ESRRG: variants seen among roughly 807,000 people sequenced by gnomAD.
The protein encoded by ESRRG is estrogen-related receptor gamma.
Under a neutral mutation model 44.0 loss-of-function variants are expected in ESRRG, and 13 were observed. The observed-to-expected ratio is 0.30, with a 90% confidence interval of 0.19 to 0.47. The LOEUF is 0.47. Among genes scored for constraint, ESRRG ranks in the 20% least tolerant of loss-of-function variants. ESRRG has a pLI of 1.00. For synonymous variants in ESRRG, 215 were observed against 214.6 expected (o/e 1.00, Z -0.02); for missense variants, 395 against 580.6 (o/e 0.68, Z 3.29).
At chr1:216,866,644 C>A (rs1248184359) in intron 2 of ESRRG, among the ~76,000 whole-genome samples, 1 of 151,746 alleles carries the variant, frequency 6.6e-6, no homozygotes, top group East Asian at 1.9e-4. Flanking sequence ...GGCCTCAGCT[C>A]ATTGCAGTCT....
intron 1 of ESRRG, among the ~76,000 whole-genome samples, chr1:217,129,038 A>C (rs901815034): frequency 1.3e-5 from 2 of 152,126 alleles, no homozygotes; most frequent in African/African-American, 4.8e-5. Flanking sequence ...CTATCAACAA[A>C]GTGTTAAAAA....
intron 2 of ESRRG, among the ~76,000 whole-genome samples, chr1:216,821,258 T>C (rs1394975026): frequency 2.0e-5 from 3 of 152,188 alleles, no homozygotes; most frequent in Non-Finnish European, 4.4e-5. Context: ...TTCCAGACCA[T>C]ACTTTCCCTG....
chr1:217,052,759 C>T (rs1201829208), intron 1 of ESRRG, among the ~76,000 whole-genome samples: 1 of 152,100 alleles, frequency 6.6e-6, no homozygotes, highest in African/African-American at 2.4e-5. Context: ...TGCAATCTGG[C>T]TAATGTTGAT....
chr1:216,916,619 C>T (rs533727891), intron 2 of ESRRG, among the ~76,000 whole-genome samples: 2 of 152,240 alleles, frequency 1.3e-5, no homozygotes, highest in African/African-American at 2.4e-5. Flanking sequence ...TGCTGTGTTC[C>T]TCTTTTCCTC....
intron 3 of ESRRG, among the ~76,000 whole-genome samples, chr1:216,606,312 C>T (rs1412144738): frequency 7.2e-5 from 11 of 152,102 alleles, no homozygotes. Context: ...TTTACAGATG[C>T]CCCAACTCAG....
chr1:216,905,163 A>G (rs1409872721), intron 2 of ESRRG, among the ~76,000 whole-genome samples: 1 of 152,062 alleles, frequency 6.6e-6, no homozygotes, highest in Non-Finnish European at 1.5e-5. Flanking sequence ...GTAAGCAGAT[A>G]CTCCGGCTGC....
intron 2 of ESRRG, among the ~76,000 whole-genome samples, chr1:216,939,359 A>AAAAAAAAAAAAAAAAAAAAAC (rs1560188817): frequency 6.7e-6 from 1 of 149,248 alleles, no homozygotes; most frequent in African/African-American, 2.5e-5. Flanking sequence ...AAAAAAAAAA[A>AAAAAAAAAAAAAAAAAAAAAC]AAAAAAAAAA....
chr1:216,599,298 A>G (rs78158570), intron 3 of ESRRG, among the ~76,000 whole-genome samples: 1,725 of 152,318 alleles, frequency 0.011, 28 homozygotes, highest in African/African-American at 0.035. Context: ...ATCAGAAAGT[A>G]TATGTCCTAA....
intron 2 of ESRRG, among the ~76,000 whole-genome samples, chr1:216,868,092 T>TTTTG: frequency 7.0e-6 from 1 of 142,980 alleles, no homozygotes; most frequent in African/African-American, 2.6e-5. Flanking sequence ...TTTTTTTTTT[T>TTTTG]TTTTTTTTTT....
chr1:217,083,063 T>C (rs185211127), intron 1 of ESRRG, among the ~76,000 whole-genome samples: 138 of 152,362 alleles, frequency 9.1e-4, no homozygotes, highest in Non-Finnish European at 1.6e-3. Context: ...CTTTGTATTA[T>C]GCTTATCACT....
chr1:216,618,087 G>T (rs1238221691), intron 3 of ESRRG, among the ~76,000 whole-genome samples: 1 of 152,128 alleles, frequency 6.6e-6, no homozygotes, highest in Admixed American at 6.5e-5. Flanking sequence ...AGTAATAATA[G>T]TCATTAAAAT....
intron 1 of ESRRG, among the ~76,000 whole-genome samples, chr1:217,134,028 T>C (rs2093012721): frequency 6.6e-6 from 1 of 152,074 alleles, no homozygotes; most frequent in Non-Finnish European, 1.5e-5. Context: ...AACTTTGCAG[T>C]TGAGTTTTGG....
At chr1:216,607,119 A>T (rs1017757170) in intron 3 of ESRRG, among the ~76,000 whole-genome samples, 1 of 152,256 alleles carries the variant, frequency 6.6e-6, no homozygotes, top group African/African-American at 2.4e-5. Flanking sequence ...TCATAAAATC[A>T]TGTTACCTAG....
At chr1:216,660,560 AT>A (rs1184013143) in intron 2 of ESRRG, among the ~76,000 whole-genome samples, 1 of 152,262 alleles carries the variant, frequency 6.6e-6, no homozygotes, top group Non-Finnish European at 1.5e-5. Context: ...TTTAAAAGTA[AT>A]TAATTGAATG....
chr1:216,695,064 TG>T (rs2079858070), intron 1 of ESRRG, among the ~76,000 whole-genome samples: 1 of 151,990 alleles, frequency 6.6e-6, no homozygotes, highest in Non-Finnish European at 1.5e-5. Context: ...TGAACTAAGA[TG>T]GTGGAAAAGA....
At chr1:216,996,257 A>T (rs1452304734) in intron 1 of ESRRG, among the ~76,000 whole-genome samples, 1 of 152,170 alleles carries the variant, frequency 6.6e-6, no homozygotes. Flanking sequence ...GAAGAGTTAG[A>T]TAAGATGATA....
At chr1:216,508,134 A>T (rs1255605651) in intron 6 of ESRRG, among the ~76,000 whole-genome samples, 1 of 152,218 alleles carries the variant, frequency 6.6e-6, no homozygotes, top group Admixed American at 6.5e-5. Flanking sequence ...GAGCTCTAAG[A>T]TATATGTAGT....
intron 1 of ESRRG, among the ~76,000 whole-genome samples, chr1:216,699,379 T>C (rs571435048): frequency 6.6e-6 from 1 of 152,262 alleles, no homozygotes; most frequent in East Asian, 1.9e-4. Flanking sequence ...CAACATGCAG[T>C]GTATGAAATT....
At chr1:216,809,271 T>C (rs2094894987) in intron 2 of ESRRG, among the ~76,000 whole-genome samples, 1 of 151,416 alleles carries the variant, frequency 6.6e-6, no homozygotes, top group African/African-American at 2.4e-5. Context: ...ATTGTTGTTT[T>C]AAAATTTTAT....
Sources: gnomAD v4.1 joint callset for allele counts (sites outside exome capture counted in the v4.1 genomes callset) on GRCh38, gnomAD v4.1.1 for gene constraint, MANE v1.5 for transcripts, NCBI Gene and HGNC (gene_info 2026-07-23, HGNC 2026-07-21) for gene names.